The following CCDC178 variants were observed in gnomAD, a reference collection of about 807,000 sequenced individuals.
The protein encoded by CCDC178 is coiled-coil domain containing 178, also known as coiled-coil domain-containing protein 178.
CCDC178 carries 126 observed loss-of-function variants against 117.4 expected under a neutral mutation model. The ratio of observed to expected loss-of-function variants is 1.07; its 90% confidence interval spans 0.93 to 1.24. The LOEUF is 1.24. Among genes scored for constraint, CCDC178 ranks in the 50% most tolerant of loss-of-function variants. The probability of loss-of-function intolerance (pLI) is 0.00; values close to 1 mark genes in which losing one functional copy is unlikely to be tolerated. For missense variants in CCDC178, 1,030 were observed against 986.9 expected (o/e 1.04, Z -0.59); for synonymous variants, 283 against 313.4 (o/e 0.90, Z 1.02).
At chr18:33,231,346 T>TA (rs35286328) in intron 15 of CCDC178, among the ~76,000 whole-genome samples, 4 of 151,760 alleles carry the variant, frequency 2.6e-5, no homozygotes, top group African/African-American at 7.3e-5. Flanking sequence ...GACAACTTTT[T>TA]AAAAAAAAGG....
intron 3 of CCDC178, among the ~76,000 whole-genome samples, chr18:33,407,854 T>TA (rs2063801750): frequency 6.6e-6 from 1 of 151,698 alleles, no homozygotes; most frequent in Admixed American, 6.6e-5. Flanking sequence ...AAAAAAATAA[T>TA]AAAAATATAT....
At chr18:33,429,418 C>T (rs187337751) in intron 2 of CCDC178, among the ~76,000 whole-genome samples, 43 of 151,804 alleles carry the variant, frequency 2.8e-4, no homozygotes, top group East Asian at 1.7e-3. Flanking sequence ...AGTCAGTCTT[C>T]GGTAACCAGT....
At chr18:32,979,434 C>G (rs188937344) in intron 21 of CCDC178, among the ~76,000 whole-genome samples, 1 of 152,258 alleles carries the variant, frequency 6.6e-6, no homozygotes, top group Admixed American at 6.5e-5. Flanking sequence ...GCTGGGATTA[C>G]AGGCATGAGC....
At chr18:33,103,642 CTTTGTA>C (rs886381684) in intron 20 of CCDC178, among the ~76,000 whole-genome samples, 3 of 151,086 alleles carry the variant, frequency 2.0e-5, no homozygotes, top group East Asian at 3.9e-4. Context: ...GACTCAATAA[CTTTGTA>C]AAGAGTAGTC....
At chr18:33,053,203 G>A (rs1045372807) in intron 21 of CCDC178, among the ~76,000 whole-genome samples, 1 of 151,912 alleles carries the variant, frequency 6.6e-6, no homozygotes, top group Non-Finnish European at 1.5e-5. Context: ...CACAAGCTTC[G>A]ATCCATAAAA....
intron 20 of CCDC178, among the ~76,000 whole-genome samples, chr18:33,180,265 A>G (rs1055237922): frequency 2.0e-5 from 3 of 151,862 alleles, no homozygotes; most frequent in African/African-American, 4.8e-5. Context: ...CTATTTATGT[A>G]TAACTAAGTC....
chr18:32,951,963 A>T (rs191906752), intron 22 of CCDC178, among the ~76,000 whole-genome samples: 18 of 152,306 alleles, frequency 1.2e-4, no homozygotes, highest in African/African-American at 4.3e-4. Context: ...TTTCAAAATT[A>T]TCTCCTTTTA....
chr18:33,062,344 G>T (rs533505841), intron 21 of CCDC178, among the ~76,000 whole-genome samples: 3 of 152,134 alleles, frequency 2.0e-5, no homozygotes, highest in African/African-American at 7.2e-5. Context: ...TTGACTTCAC[G>T]ATGGCTGAAT....
intron 4 of CCDC178, 68 bp from the exon 5 acceptor site, chr18:33,389,697 C>A: frequency 1.4e-6 from 1 of 716,140 alleles, no homozygotes; most frequent in South Asian, 3.5e-5. Context: ...AAATAAGCAC[C>A]ACCATGTAAA....
At chr18:33,011,767 CA>C (rs71177899) in intron 21 of CCDC178, among the ~76,000 whole-genome samples, 1,258 of 30,016 alleles carry the variant, frequency 0.042, 34 homozygotes, top group East Asian at 0.32. Flanking sequence ...GAGCAGAATG[CA>C]AAAAAAAAAA....
intron 20 of CCDC178, among the ~76,000 whole-genome samples, chr18:33,101,735 G>A (rs2057631056): frequency 6.6e-6 from 1 of 151,930 alleles, no homozygotes; most frequent in Non-Finnish European, 1.5e-5. Context: ...TGTAAGAACA[G>A]TACCTAGAAA....
In CCDC178 at chr18:33,331,131, A is replaced by C. The variant is rs2062663406; in HGVS notation, c.879+2043T>G. Among the ~76,000 whole-genome samples, 12 of 140,654 alleles carry C rather than the reference A, an allele frequency of 8.5e-5. No individual in the cohort carries two copies. The Admixed American group carries it at 9.9e-4, about 12-fold the overall frequency. 92.3% of individuals were successfully genotyped at this position (140,654 alleles called of 152,430 possible). On this transcript the variant is annotated intron_variant, in intron 10 of 22. Coordinates refer to ENST00000383096, the MANE Select transcript of CCDC178 (RefSeq NM_001105528.4). ...CCTAACAACTCCACTTGCCCTGCTT[A>C]TAATGTACCCAAGTTCACTATCAGT...
At chr18:33,417,179 T>G (rs932228766) in intron 2 of CCDC178, among the ~76,000 whole-genome samples, 6 of 152,152 alleles carry the variant, frequency 3.9e-5, no homozygotes, top group Admixed American at 2.0e-4. Flanking sequence ...AGCCAAAACC[T>G]GCACGCTACC....
intron 21 of CCDC178, among the ~76,000 whole-genome samples, chr18:33,091,350 T>TTTTTTTTTTTTTTTTTTTTTTTTTTTTTC (rs2057462410): frequency 8.2e-6 from 1 of 121,618 alleles, no homozygotes; most frequent in Non-Finnish European, 1.7e-5. Context: ...TTTTTTTTTT[T>TTTTTTTTTTTTTTTTTTTTTTTTTTTTTC]TTTTGAGACG....
At chr18:33,164,248 C>T (rs960858202) in intron 20 of CCDC178, among the ~76,000 whole-genome samples, 4 of 151,646 alleles carry the variant, frequency 2.6e-5, no homozygotes, top group Admixed American at 6.6e-5. Flanking sequence ...TACAGGTGCA[C>T]GCCACCATGC....
rs2144296272 is a variant in CCDC178, at chr18:33,140,715, T to A, written c.2239-47805A>T. 1.3e-5 allele frequency among the ~76,000 whole-genome samples: 2 copies of A among 152,258 alleles called. 1 individual carries two copies. The highest frequency in any genetic ancestry group is 6.8e-3 in the Middle Eastern group (2 of 294). ...GACTTGCCTTGTCTCAGATGAGACATTGTACTGTGAATTTTGATTAATACC... is the reference window on the plus strand; with the variant it reads ...GACTTGCCTTGTCTCAGATGAGACAATGTACTGTGAATTTTGATTAATACC... On this transcript the variant is annotated intron_variant, in intron 20 of 22. Transcript: ENST00000383096.
At chr18:33,287,485 A>G (rs2060112986) in intron 12 of CCDC178, among the ~76,000 whole-genome samples, 1 of 152,196 alleles carries the variant, frequency 6.6e-6, no homozygotes, top group Non-Finnish European at 1.5e-5. Flanking sequence ...CTCATCAAAA[A>G]TAACATTTTG....
intron 5 of CCDC178, among the ~76,000 whole-genome samples, chr18:33,374,228 C>T (rs912004214): frequency 2.6e-5 from 4 of 152,102 alleles, no homozygotes; most frequent in Non-Finnish European, 5.9e-5. Context: ...ACGTGGGAGG[C>T]CCCTCTGACA....
intron 14 of CCDC178, among the ~76,000 whole-genome samples, chr18:33,247,503 AAG>A (rs1402336957): frequency 6.6e-6 from 1 of 151,886 alleles, no homozygotes; most frequent in East Asian, 1.9e-4. Flanking sequence ...AGAAGAGACA[AAG>A]AGAGTTTTGG....
Sources: gnomAD v4.1 joint callset for allele counts (sites outside exome capture counted in the v4.1 genomes callset) on GRCh38, gnomAD v4.1.1 for gene constraint, MANE v1.5 for transcripts, NCBI Gene and HGNC (gene_info 2026-07-23, HGNC 2026-07-21) for gene names.